Variants in MVB12B observed in about 807,000 individuals in gnomAD.
MVB12B encodes multivesicular body subunit 12B.
Under a neutral mutation model 41.6 loss-of-function variants are expected in MVB12B, and 16 were observed. The ratio of observed to expected loss-of-function variants is 0.38; its 90% CI spans 0.26 to 0.58. The LOEUF is 0.58. MVB12B is among the 20% of genes least tolerant of loss of function. The pLI is 0.62. For missense variants in MVB12B, 274 were observed against 380.2 expected, an observed-to-expected ratio of 0.72 and a Z score of 2.32; for synonymous variants, 133 against 139.7, an observed-to-expected ratio of 0.95 and a Z score of 0.34.
chr9:126,420,425 C>T (rs775230376), intron 6 of MVB12B, among the ~76,000 whole-genome samples: 7 of 152,180 alleles, frequency 4.6e-5, no homozygotes, highest in African/African-American at 1.2e-4. Flanking sequence ...CATGAGCTAT[C>T]ACTCTGTGGC....
At chr9:126,327,119 G>C in intron 1 of MVB12B, 109 bp downstream of exon 1, 1 of 337,190 alleles carries the variant, frequency 3.0e-6, no homozygotes, top group Non-Finnish European at 4.2e-6. Flanking sequence ...GACGGGAGGA[G>C]CCGGGCCGCG....
chr9:126,382,897 C>T (rs1400176082), intron 3 of MVB12B, among the ~76,000 whole-genome samples: 2 of 152,050 alleles, frequency 1.3e-5, no homozygotes, highest in Admixed American at 6.5e-5. Context: ...TTGATTTCAT[C>T]AACATATGTT....
At chr9:126,497,724 C>T (rs960238325) in intron 9 of MVB12B, among the ~76,000 whole-genome samples, 2 of 152,216 alleles carry the variant, frequency 1.3e-5, no homozygotes, top group African/African-American at 4.8e-5. Flanking sequence ...CACTTTCTCA[C>T]GCTTTCTGGA....
chr9:126,390,905 TC>T, intron 4 of MVB12B, among the ~76,000 whole-genome samples: 1 of 143,556 alleles, frequency 7.0e-6, no homozygotes, highest in South Asian at 2.2e-4. Context: ...TGAGCCAAGA[TC>T]ATGCCACTGC....
chr9:126,381,547 C>A (rs908273839), intron 3 of MVB12B, among the ~76,000 whole-genome samples: 6 of 152,074 alleles, frequency 3.9e-5, no homozygotes, highest in African/African-American at 1.4e-4. Flanking sequence ...CAGGGAGGGC[C>A]CCTGTGACCC....
intron 1 of MVB12B, among the ~76,000 whole-genome samples, chr9:126,335,799 C>G (rs1368582862): frequency 6.6e-6 from 1 of 152,192 alleles, no homozygotes; most frequent in Non-Finnish European, 1.5e-5. Flanking sequence ...CTTTGGTGCC[C>G]TTGACTTTGG....
chr9:126,405,258 C>T (rs947167996), intron 6 of MVB12B, among the ~76,000 whole-genome samples: 1 of 151,718 alleles, frequency 6.6e-6, no homozygotes, highest in Non-Finnish European at 1.5e-5. Context: ...TTGTTGTTAT[C>T]GTCCCGAGAA....
At chr9:126,452,902 T>C (rs1832911024) in intron 7 of MVB12B, among the ~76,000 whole-genome samples, 1 of 152,168 alleles carries the variant, frequency 6.6e-6, no homozygotes, top group Admixed American at 6.5e-5. Context: ...AATTGCAGTC[T>C]AGTTCTTTCT....
rs979438290 is a variant in MVB12B at position 126,459,682 on chromosome 9, G to A, written c.758-21687G>A. Among the ~76,000 whole-genome samples the A allele has an allele frequency of 2.0e-5, 3 of 152,154 alleles. No individual in the cohort carries two copies. The highest frequency in any genetic ancestry group is 7.2e-5 in the African/African-American group (3 of 41,426). On this transcript the variant is annotated intron_variant, in intron 7 of 9. Transcript: ENST00000361171. This position sits in a 1 kb window ranked among gnomAD's most constrained non-coding sequence, Gnocchi z 4.3. ...GGGTTTGAGAGTTTTGGAGCAGAAG[G>A]ATGCCTCTTCTGGATGTGGGGCAGC... is the stretch of plus-strand genomic sequence containing the variant.
At chr9:126,406,577 C>G (rs760785614) in intron 6 of MVB12B, among the ~76,000 whole-genome samples, 4 of 152,142 alleles carry the variant, frequency 2.6e-5, no homozygotes, top group Non-Finnish European at 5.9e-5. Context: ...CCCATATGTT[C>G]CTTGTTTTTA....
At chr9:126,422,041 C>T (rs1051346151) in intron 7 of MVB12B, 93 bp downstream of exon 7, 1 of 888,692 alleles carries the variant, frequency 1.1e-6, no homozygotes, top group African/African-American at 1.6e-5. Context: ...TGGGATCTGT[C>T]TGCCTTACCT....
chr9:126,491,063 A>G (rs1253764783), intron 9 of MVB12B, among the ~76,000 whole-genome samples: 3 of 152,114 alleles, frequency 2.0e-5, no homozygotes, highest in Non-Finnish European at 4.4e-5. Context: ...TGACATCTTT[A>G]TGTGTTTGTG....
rs1226111431 is a variant in MVB12B at position 126,386,973 on chromosome 9, C to T, written c.409+315C>T. Reference sequence around the variant, plus strand: ...GTCTTTAGTCCTTCCTCTGGTGTTGCTGAAGCCAAGCTTGGCATAAGACCC... The same window carrying T: ...GTCTTTAGTCCTTCCTCTGGTGTTGTTGAAGCCAAGCTTGGCATAAGACCC... On this transcript the variant is annotated intron_variant, in intron 4 of 9. Transcript: ENST00000361171. The surrounding 1 kb of genome is among the most constrained non-coding windows in gnomAD (Gnocchi z 4.3). Among the ~76,000 whole-genome samples, 1 of 151,996 alleles carries T rather than the reference C, an allele frequency of 6.6e-6. No individual in the cohort carries two copies. Among genetic ancestry groups the T allele is most frequent in the Non-Finnish European group, 1.5e-5 (1 of 68,020 alleles).
At chr9:126,381,241 C>G in intron 3 of MVB12B, 70 bp downstream of exon 3, 1 of 1,115,706 alleles carries the variant, frequency 9.0e-7, no homozygotes, top group East Asian at 2.4e-5. Flanking sequence ...GGAATTTCCT[C>G]ATTTTGTTGT....
At chr9:126,501,768 C>T (rs189508154) in intron 9 of MVB12B, among the ~76,000 whole-genome samples, 18 of 152,204 alleles carry the variant, frequency 1.2e-4, no homozygotes, top group Non-Finnish European at 2.2e-4. Context: ...CTCAGCCCTG[C>T]GGCCCTCCTC....
intron 1 of MVB12B, among the ~76,000 whole-genome samples, chr9:126,329,217 C>T (rs537342435): frequency 9.1e-4 from 139 of 152,174 alleles, no homozygotes; most frequent in Non-Finnish European, 1.7e-3. Flanking sequence ...AGTCACAGAA[C>T]CTTTCTGAAT....
chr9:126,461,632 GA>G (rs989147724), intron 7 of MVB12B, among the ~76,000 whole-genome samples: 2 of 152,204 alleles, frequency 1.3e-5, no homozygotes, highest in Non-Finnish European at 2.9e-5. Context: ...ATGTTTTCGT[GA>G]GGGTGCTTTA....
chr9:126,465,084 A>G (rs1833170930), intron 7 of MVB12B, among the ~76,000 whole-genome samples: 1 of 152,164 alleles, frequency 6.6e-6, no homozygotes, highest in South Asian at 2.1e-4. Context: ...ACCATTTTTG[A>G]TAAGACTTTA....
intron 9 of MVB12B, among the ~76,000 whole-genome samples, chr9:126,491,237 G>GTT (rs1175376139): frequency 6.6e-5 from 10 of 152,238 alleles, no homozygotes; most frequent in Non-Finnish European, 1.5e-4. Flanking sequence ...GCTTCTGCGG[G>GTT]TCTCTTCAAA....
Sources: gnomAD v4.1 joint callset for allele counts (sites outside exome capture counted in the v4.1 genomes callset) on GRCh38, gnomAD v4.1.1 for gene constraint, Gnocchi (gnomAD v3.1) non-coding constraint, MANE v1.5 for transcripts, NCBI Gene and HGNC (gene_info 2026-07-23, HGNC 2026-07-21) for gene names.